KIF5C: variants seen among roughly 807,000 people sequenced by gnomAD.
The protein encoded by KIF5C is kinesin family member 5C, also known as kinesin heavy chain isoform 5C.
KIF5C carries 18 observed loss-of-function variants against 125.2 expected under a neutral mutation model. The ratio of observed to expected loss-of-function variants is 0.14; its 90% CI spans 0.10 to 0.21. KIF5C has a LOEUF of 0.21. Among genes scored for constraint, KIF5C ranks in the 10% least tolerant of loss-of-function variants. KIF5C has a pLI of 1.00. For synonymous variants in KIF5C, 405 were observed against 434.0 expected, an observed-to-expected ratio of 0.93 and a Z score of 0.83; for missense variants, 780 against 1,183.8, an observed-to-expected ratio of 0.66 and a Z score of 5.01.
At chr2:148,940,797 A>G (rs112240662) in intron 4 of KIF5C, among the ~76,000 whole-genome samples, 2,247 of 152,302 alleles carry the variant, frequency 0.015, 45 homozygotes, top group Admixed American at 0.036. Context: ...AGATGGTACA[A>G]TTGAGGCCTA....
chr2:148,911,734 G>A (rs1446224016), intron 1 of KIF5C, among the ~76,000 whole-genome samples: 1 of 152,292 alleles, frequency 6.6e-6, no homozygotes, highest in African/African-American at 2.4e-5. Flanking sequence ...TGAACCCAGG[G>A]CTCCCATCTT....
chr2:148,909,454 A>G (rs1215031153), intron 1 of KIF5C, among the ~76,000 whole-genome samples: 4 of 152,230 alleles, frequency 2.6e-5, no homozygotes, highest in African/African-American at 7.2e-5. Flanking sequence ...CTCCCTCAGA[A>G]TGAAAGCTTC....
At chr2:148,889,007 G>C (rs1477258556) in intron 1 of KIF5C, among the ~76,000 whole-genome samples, 1 of 152,108 alleles carries the variant, frequency 6.6e-6, no homozygotes, top group Non-Finnish European at 1.5e-5. Context: ...CTAGGTGATG[G>C]GCTAATGAGC....
intron 17 of KIF5C, among the ~76,000 whole-genome samples, chr2:148,994,849 G>GT (rs1350560681): frequency 6.6e-6 from 1 of 151,862 alleles, no homozygotes; most frequent in Non-Finnish European, 1.5e-5. Flanking sequence ...CTATAGATGC[G>GT]TGTCACCACA....
At chr2:148,991,881 G>C (rs940886894) in intron 16 of KIF5C, among the ~76,000 whole-genome samples, 1 of 152,170 alleles carries the variant, frequency 6.6e-6, no homozygotes, top group Admixed American at 6.5e-5. Flanking sequence ...CTTCCTATTG[G>C]AGTGGCATTT....
intron 1 of KIF5C, among the ~76,000 whole-genome samples, chr2:148,900,194 G>C (rs991825781): frequency 2.0e-5 from 3 of 152,150 alleles, no homozygotes; most frequent in Admixed American, 6.5e-5. Flanking sequence ...TATTTTGCCA[G>C]TGCCTTCTAT....
intron 12 of KIF5C, among the ~76,000 whole-genome samples, chr2:148,976,389 C>T (rs972649079): frequency 1.3e-5 from 2 of 151,940 alleles, no homozygotes; most frequent in African/African-American, 4.8e-5. Flanking sequence ...CCTGCCTCAG[C>T]CTCCTGAGTA....
intron 25 of KIF5C, chr2:149,020,082 C>T (rs764645924): frequency 6.6e-6 from 1 of 152,164 alleles, no homozygotes; most frequent in Non-Finnish European, 1.5e-5. Context: ...TCCTCAGTCT[C>T]TCTGGGATTA....
chr2:148,875,575 G>GGGCCCCCCCCCCCCCCCCCCCCC lies in KIF5C; in HGVS notation c.-43_-42insGGCCCCCCCCCCCCCCCCCCCCC. ...TCCTCCCTCGTCGTTCCCGGCCCCG[G>GGGCCCCCCCCCCCCCCCCCCCCC]CCCCCCACCCATCCCCGTGCCCCCT... is the stretch of plus-strand genomic sequence containing the variant. On this transcript the variant is annotated 5_prime_UTR_variant, in exon 1 of 26. Transcript: ENST00000435030. The GGGCCCCCCCCCCCCCCCCCCCCC allele has an allele frequency of 4.6e-5, 32 of 699,568 alleles. No homozygotes were observed. The highest frequency in any genetic ancestry group is 5.9e-5 in the Non-Finnish European group (23 of 389,208). The allele number at this position is 699,568 out of a possible 1,614,324, so 43.3% of individuals were successfully genotyped here. A position where few individuals can be genotyped will look rare whatever the true frequency, so the allele number is the denominator to read the frequency against.
At chr2:148,990,346 G>C (rs79455799) in intron 15 of KIF5C, among the ~76,000 whole-genome samples, 2 of 152,172 alleles carry the variant, frequency 1.3e-5, no homozygotes. Context: ...ATTACTGTCT[G>C]TTTGGAAGGA....
At chr2:148,933,496 C>T (rs1489212464) in intron 3 of KIF5C, among the ~76,000 whole-genome samples, 6 of 151,146 alleles carry the variant, frequency 4.0e-5, no homozygotes, top group East Asian at 1.9e-4. Context: ...ATGCACACCA[C>T]GCACATATAC....
chr2:148,964,320 C>T (rs989049525), intron 11 of KIF5C, among the ~76,000 whole-genome samples: 1 of 151,806 alleles, frequency 6.6e-6, no homozygotes, highest in South Asian at 2.1e-4. Context: ...TCTGTGCCCT[C>T]TTGGGTGAGA....
At chr2:148,958,649 T>G (rs1682854166) in intron 10 of KIF5C, among the ~76,000 whole-genome samples, 1 of 152,166 alleles carries the variant, frequency 6.6e-6, no homozygotes, top group African/African-American at 2.4e-5. Flanking sequence ...GTTTTTAATT[T>G]TAATGAAGTC....
chr2:148,974,880 C>T lies in KIF5C; in HGVS notation c.1293+1369C>T, dbSNP rs141270182. Among the ~76,000 whole-genome samples the T allele has an allele frequency of 3.8e-4, 58 of 152,300 alleles. 1 individual carries two copies. In the East Asian group the frequency reaches 9.5e-3, roughly 25 times the overall value. ...TGAATAGACGCCTGCATGGCGGAAT[C>T]GGGATCATTTACCTTGGCAGCACAG... On this transcript the variant is annotated intron_variant, in intron 12 of 25. Transcript: ENST00000435030.
intron 21 of KIF5C, among the ~76,000 whole-genome samples, chr2:149,002,202 A>C (rs1222830140): frequency 6.6e-6 from 1 of 152,262 alleles, no homozygotes; most frequent in Non-Finnish European, 1.5e-5. Context: ...CTATATTTCT[A>C]CCAGCCAGAG....
chr2:149,006,625 C>T (rs746916855), intron 22 of KIF5C, among the ~76,000 whole-genome samples: 3 of 152,076 alleles, frequency 2.0e-5, no homozygotes, highest in Non-Finnish European at 4.4e-5. Context: ...TGGCGTGGCC[C>T]CTGACAGCAT....
chr2:148,973,033 G>C (rs1680960804), intron 11 of KIF5C, among the ~76,000 whole-genome samples: 1 of 152,154 alleles, frequency 6.6e-6, no homozygotes, highest in African/African-American at 2.4e-5. Context: ...CTCAACTAAA[G>C]CAAAATGAAT....
At chr2:148,935,211 A>G (rs1262533523) in intron 3 of KIF5C, among the ~76,000 whole-genome samples, 1 of 152,226 alleles carries the variant, frequency 6.6e-6, no homozygotes, top group Admixed American at 6.5e-5. Flanking sequence ...GCCCTGACAA[A>G]GGCAAACAAA....
intron 1 of KIF5C, among the ~76,000 whole-genome samples, chr2:148,905,702 C>T (rs1681077225): frequency 6.6e-6 from 1 of 152,068 alleles, no homozygotes; most frequent in Non-Finnish European, 1.5e-5. Context: ...GAGATGGAGC[C>T]AGGGTCAAGG....
Sources: allele counts gnomAD v4.1 joint callset (sites outside exome capture counted in the v4.1 genomes callset), GRCh38; gene constraint gnomAD v4.1.1; transcripts MANE v1.5; gene names NCBI Gene and HGNC (gene_info 2026-07-23, HGNC 2026-07-21).